GPR39: variants seen among roughly 807,000 people sequenced by gnomAD.
The protein encoded by GPR39 is zinc sensing receptor.
In GPR39, 23 loss-of-function variants were observed where a neutral mutation model predicts 18.4. That is an observed-to-expected ratio of 1.25 (90% CI 0.90 to 1.77). The LOEUF is 1.77. Among genes scored for constraint, GPR39 ranks in the 40% most tolerant of loss-of-function variants. The pLI, the probability that GPR39 is intolerant of heterozygous loss-of-function variation, is 0.00. For missense variants in GPR39, 647 were observed against 602.4 expected, an observed-to-expected ratio of 1.07 and a Z score of -0.78; for synonymous variants, 280 against 257.9, an observed-to-expected ratio of 1.09 and a Z score of -0.82.
At position 132,581,999 on chromosome 2, in the gene GPR39, A is replaced by G. The variant is rs549670344; in HGVS notation, c.857-63102A>G. The stretch of plus-strand genomic sequence containing the variant: ...GCAGATGGCCCGGTGGTTGGGAGAC[A>G]AAGTGCTGATTGGCAGTCCCAGCTG... On this transcript the variant is annotated intron_variant, in intron 1 of 1. Transcript: ENST00000329321. Among the ~76,000 whole-genome samples, 50 of 151,952 alleles carry G rather than the reference A, an allele frequency of 3.3e-4. 1 individual carries two copies. The South Asian group carries it at 9.8e-3, about 30-fold the overall frequency.
intron 1 of GPR39, among the ~76,000 whole-genome samples, chr2:132,571,985 A>C (rs1456482448): frequency 3.9e-5 from 6 of 152,154 alleles, no homozygotes; most frequent in African/African-American, 1.4e-4. Context: ...GGCAAGCTAC[A>C]AAAGCGCGTG....
chr2:132,474,185 G>A (rs7581414), intron 1 of GPR39, among the ~76,000 whole-genome samples: 2 of 151,988 alleles, frequency 1.3e-5, no homozygotes, highest in African/African-American at 2.4e-5. Flanking sequence ...TCTCAAAGGC[G>A]AAGTTACCCA....
intron 1 of GPR39, among the ~76,000 whole-genome samples, chr2:132,478,878 G>C (rs1364745998): frequency 1.3e-5 from 2 of 152,022 alleles, no homozygotes; most frequent in Non-Finnish European, 1.5e-5. Flanking sequence ...GCCACTAGAA[G>C]GGTAAATACA....
intron 1 of GPR39, among the ~76,000 whole-genome samples, chr2:132,610,930 C>T (rs1193767791): frequency 2.0e-5 from 3 of 152,044 alleles, no homozygotes; most frequent in Non-Finnish European, 4.4e-5. Context: ...AGGTGTGGGA[C>T]ATTTCTAGGG....
At chr2:132,569,765 A>C (rs2104813273) in intron 1 of GPR39, among the ~76,000 whole-genome samples, 1 of 152,052 alleles carries the variant, frequency 6.6e-6, no homozygotes, top group South Asian at 2.1e-4. Context: ...CCAGTGGGAG[A>C]TGATTGAATC....
intron 1 of GPR39, among the ~76,000 whole-genome samples, chr2:132,550,567 G>T (rs1431677658): frequency 6.6e-6 from 1 of 152,204 alleles, no homozygotes; most frequent in African/African-American, 2.4e-5. Context: ...AACTGTAGTG[G>T]CTGGAAAGCA....
chr2:132,430,068 G>T (rs1680197412), intron 1 of GPR39, among the ~76,000 whole-genome samples: 1 of 152,214 alleles, frequency 6.6e-6, no homozygotes, highest in African/African-American at 2.4e-5. Flanking sequence ...ACACTGATGT[G>T]GCCATGTGGC....
At position 132,514,699 on chromosome 2, in the gene GPR39, GAT is replaced by G. The variant is rs773375250; in HGVS notation, c.856+96803_856+96804del. On this transcript the variant is annotated intron_variant, in intron 1 of 1. Transcript: ENST00000329321. ...TGCATCCTCTCTACACCGTGGAAGA[GAT>G]AATGATTACATCCTCTGGACTTGGC... Among the ~76,000 whole-genome samples, 30 of 152,288 alleles carry G rather than the reference GAT, an allele frequency of 2.0e-4. No homozygotes were observed. In the East Asian group the frequency reaches 5.4e-3, roughly 27 times the overall value.
At chr2:132,575,951 A>G (rs1431326765) in intron 1 of GPR39, among the ~76,000 whole-genome samples, 3 of 152,132 alleles carry the variant, frequency 2.0e-5, no homozygotes, top group Admixed American at 2.0e-4. Flanking sequence ...ACATGTGAGG[A>G]AACCGCCAGA....
chr2:132,472,495 A>G (rs1681050709), intron 1 of GPR39, among the ~76,000 whole-genome samples: 1 of 152,140 alleles, frequency 6.6e-6, no homozygotes, highest in Non-Finnish European at 1.5e-5. Flanking sequence ...GAGTGAGGCT[A>G]TAGTTCAGCC....
rs58347009 is a variant in GPR39, at chr2:132,646,095, G to A, written c.*489G>A. 1,273 of 1,604,654 alleles carry A rather than the reference G, an allele frequency of 7.9e-4. 5 individuals are homozygous for A. In the African/African-American group the frequency reaches 0.014, roughly 18 times the overall value. ...AATTTGAGGAACAGGATGGTGGTGC[G>A]GAGCCCTGGCCTGAGGGCCGAGGCA... On this transcript the variant is annotated 3_prime_UTR_variant, in exon 2 of 2. Coordinates refer to ENST00000329321, the MANE Select transcript of GPR39 (RefSeq NM_001508.3).
chr2:132,564,196 C>T (rs989770135), intron 1 of GPR39, among the ~76,000 whole-genome samples: 4 of 152,120 alleles, frequency 2.6e-5, no homozygotes, highest in Admixed American at 6.5e-5. Flanking sequence ...TGCTGGAGAG[C>T]GCTGGAGGAA....
intron 1 of GPR39, among the ~76,000 whole-genome samples, chr2:132,636,395 C>A (rs1159726048): frequency 2.0e-5 from 3 of 152,086 alleles, no homozygotes; most frequent in Admixed American, 6.5e-5. Flanking sequence ...GGTCTGGGAG[C>A]CCACTCAGGG....
intron 1 of GPR39, among the ~76,000 whole-genome samples, chr2:132,526,158 C>T (rs1679504232): frequency 6.6e-6 from 1 of 152,128 alleles, no homozygotes; most frequent in South Asian, 2.1e-4. Context: ...GCCTTTGCTG[C>T]AGAAATATGT....
At chr2:132,576,325 T>C (rs954368271) in intron 1 of GPR39, among the ~76,000 whole-genome samples, 2 of 152,154 alleles carry the variant, frequency 1.3e-5, no homozygotes, top group Non-Finnish European at 2.9e-5. Context: ...AAGTGCGGTT[T>C]ATCAGTTCTT....
At chr2:132,615,044 C>T (rs1558859572) in intron 1 of GPR39, among the ~76,000 whole-genome samples, 1 of 152,184 alleles carries the variant, frequency 6.6e-6, no homozygotes, top group Non-Finnish European at 1.5e-5. Flanking sequence ...CGGCTCTGTT[C>T]GTTTGCTGCC....
chr2:132,596,251 T>C (rs1410714205), intron 1 of GPR39, among the ~76,000 whole-genome samples: 1 of 152,192 alleles, frequency 6.6e-6, no homozygotes, highest in Admixed American at 6.5e-5. Flanking sequence ...TTTGTTCAAT[T>C]GCATTAGTTT....
chr2:132,521,215 G>A (rs1315391016), intron 1 of GPR39, among the ~76,000 whole-genome samples: 6 of 152,254 alleles, frequency 3.9e-5, no homozygotes, highest in South Asian at 2.1e-4. Flanking sequence ...CTTGTGCCTC[G>A]GTCACGTGGG....
Position 132,431,538 on chromosome 2 carries a change from T to TTAC in GPR39, c.856+13642_856+13644dup, listed in dbSNP as rs1370302540. On this transcript the variant is annotated intron_variant, in intron 1 of 1. Coordinates refer to ENST00000329321, the MANE Select transcript of GPR39 (RefSeq NM_001508.3). ...CAGTCACATTCTGTCTCTAGGGCAG[T>TTAC]TACTGTTTTCTCTCCCTGCAAATTG... Among the ~76,000 whole-genome samples, 9 of 152,350 alleles carry TTAC rather than the reference T, an allele frequency of 5.9e-5. No homozygotes were observed. The East Asian group carries it at 1.7e-3, about 29-fold the overall frequency.
Sources: gnomAD v4.1 joint callset for allele counts (sites outside exome capture counted in the v4.1 genomes callset) on GRCh38, gnomAD v4.1.1 for gene constraint, MANE v1.5 for transcripts, NCBI Gene and HGNC (gene_info 2026-07-23, HGNC 2026-07-21) for gene names.